Variants in ROBO1 observed in about 807,000 individuals in gnomAD.
ROBO1 encodes roundabout homolog 1.
Under a neutral mutation model 195.9 loss-of-function variants are expected in ROBO1, and 149 were observed. The observed-to-expected ratio is 0.76, with a 90% confidence interval of 0.67 to 0.87. The LOEUF (loss-of-function observed/expected upper bound fraction) is 0.87. Ranked by LOEUF, ROBO1 falls within the 40% of genes least tolerant of loss-of-function variation. ROBO1 has a pLI of 0.00. For synonymous variants in ROBO1, 816 were observed against 733.2 expected, an observed-to-expected ratio of 1.11 and a Z score of -1.82; for missense variants, 1,933 against 2,068.3, an observed-to-expected ratio of 0.93 and a Z score of 1.27.
At chr3:79,338,255 T>A (rs970365554) in intron 2 of ROBO1, among the ~76,000 whole-genome samples, 1 of 152,222 alleles carries the variant, frequency 6.6e-6, no homozygotes, top group East Asian at 1.9e-4. Flanking sequence ...ATGACTATCT[T>A]TAAATATTGC....
rs933111964 is a variant in ROBO1 at position 78,840,556 on chromosome 3, T to C, written c.500-93656A>G. Among the ~76,000 whole-genome samples the C allele has an allele frequency of 2.0e-5, 3 of 152,156 alleles. No individual in the cohort carries two copies. In the South Asian group the frequency reaches 6.2e-4, roughly 31 times the overall value. On this transcript the variant is annotated intron_variant, in intron 4 of 30. Coordinates refer to ENST00000464233, the MANE Select transcript of ROBO1 (RefSeq NM_002941.4). ...GAGAAAGCCAAGGCAAGAGGTCGCA[T>C]TTGCAAGCCATGTACCTAATAATCG...
chr3:78,717,927 G>C, intron 5 of ROBO1, 44 bp from the exon 6 acceptor site: 4 of 1,599,434 alleles, frequency 2.5e-6, no homozygotes, highest in Non-Finnish European at 3.4e-6. Flanking sequence ...AATTGCTTCA[G>C]CTATGTTTAC....
chr3:79,089,916 T>TA (rs1055011616), intron 3 of ROBO1, among the ~76,000 whole-genome samples: 24 of 150,552 alleles, frequency 1.6e-4, no homozygotes, highest in African/African-American at 5.9e-4. Context: ...TAAACATTGA[T>TA]ATATATCATC....
intron 14 of ROBO1, among the ~76,000 whole-genome samples, chr3:78,665,304 G>T (rs79976443): frequency 1.3e-5 from 2 of 152,108 alleles, no homozygotes; most frequent in Admixed American, 6.6e-5. Context: ...AACTGTATCC[G>T]TCAGTCGGTT....
At position 79,454,160 on chromosome 3, in the gene ROBO1, G is replaced by A. The variant is rs114428685; in HGVS notation, c.88+135664C>T. Among the ~76,000 whole-genome samples, 621 of 142,182 alleles carry A rather than the reference G, an allele frequency of 4.4e-3. 4 individuals carry two copies. Among genetic ancestry groups the A allele is most frequent in the Admixed American group, 0.013 (181 of 13,748 alleles). The allele number at this position is 142,182 out of a possible 152,430, so 93.3% of individuals were successfully genotyped here. On this transcript the variant is annotated intron_variant, in intron 2 of 30. Transcript: ENST00000464233. Reference sequence around the variant, plus strand: ...TTTTTTTTTTTCTCCAAAACATTACGCAGAGCTTGCCACAGAGAGTTCACG... The same window carrying A: ...TTTTTTTTTTTCTCCAAAACATTACACAGAGCTTGCCACAGAGAGTTCACG...
chr3:79,032,895 C>T (rs1310955611), intron 3 of ROBO1, among the ~76,000 whole-genome samples: 10 of 151,988 alleles, frequency 6.6e-5, no homozygotes, highest in Non-Finnish European at 1.5e-4. Context: ...GTACACAATG[C>T]TCTATTGCCC....
intron 2 of ROBO1, among the ~76,000 whole-genome samples, chr3:79,274,765 G>A (rs1201060219): frequency 6.6e-6 from 1 of 151,840 alleles, no homozygotes; most frequent in African/African-American, 2.4e-5. Context: ...AAAGGGGTAA[G>A]ACCAAAGTAA....
chr3:78,617,030 G>C (rs1264222493), intron 27 of ROBO1, among the ~76,000 whole-genome samples: 1 of 152,068 alleles, frequency 6.6e-6, no homozygotes, highest in African/African-American at 2.4e-5. Flanking sequence ...TGTAAGTATG[G>C]AACGTTTATG....
chr3:79,756,573 AG>A (rs1352810500), intron 1 of ROBO1, among the ~76,000 whole-genome samples: 44 of 148,446 alleles, frequency 3.0e-4, no homozygotes, highest in African/African-American at 1.1e-3. Flanking sequence ...AAAAAAAAAA[AG>A]TAGAGATATT....
At chr3:79,545,071 T>C (rs927336629) in intron 2 of ROBO1, among the ~76,000 whole-genome samples, 3 of 152,116 alleles carry the variant, frequency 2.0e-5, no homozygotes, top group African/African-American at 4.8e-5. Context: ...ACTTAAATAG[T>C]ATCCCTGTAA....
chr3:79,629,467 C>T (rs144532545), intron 1 of ROBO1, among the ~76,000 whole-genome samples: 235 of 151,792 alleles, frequency 1.5e-3, no homozygotes, highest in African/African-American at 4.9e-3. Flanking sequence ...TATAACATAC[C>T]GAAACCTCGG....
At chr3:79,450,430 A>C (rs1325000358) in intron 2 of ROBO1, among the ~76,000 whole-genome samples, 1 of 152,026 alleles carries the variant, frequency 6.6e-6, no homozygotes, top group Non-Finnish European at 1.5e-5. Flanking sequence ...AGAGGTGAAG[A>C]CAAGTTATCT....
At chr3:78,979,754 A>G (rs1438829605) in intron 3 of ROBO1, among the ~76,000 whole-genome samples, 1 of 152,020 alleles carries the variant, frequency 6.6e-6, no homozygotes, top group Admixed American at 6.6e-5. Flanking sequence ...CATAAGAAAC[A>G]AAAAGGTGGG....
At chr3:78,795,089 C>T (rs1476117500) in intron 4 of ROBO1, among the ~76,000 whole-genome samples, 2 of 151,968 alleles carry the variant, frequency 1.3e-5, no homozygotes, top group Non-Finnish European at 2.9e-5. Context: ...TGATATTTTC[C>T]TTGCAGAAAA....
chr3:79,763,838 G>A (rs1021041857), intron 1 of ROBO1, among the ~76,000 whole-genome samples: 1 of 152,110 alleles, frequency 6.6e-6, no homozygotes, highest in Non-Finnish European at 1.5e-5. Flanking sequence ...ACATGAAAAA[G>A]ATATCAAGGA....
At chr3:78,784,917 T>C (rs1271721663) in intron 4 of ROBO1, among the ~76,000 whole-genome samples, 1 of 152,192 alleles carries the variant, frequency 6.6e-6, no homozygotes, top group African/African-American at 2.4e-5. Flanking sequence ...TACTAACTTC[T>C]CTTCCCATTC....
At chr3:79,159,048 T>C (rs2080908475) in intron 2 of ROBO1, among the ~76,000 whole-genome samples, 1 of 151,912 alleles carries the variant, frequency 6.6e-6, no homozygotes, top group African/African-American at 2.4e-5. Flanking sequence ...ATATCCCCCA[T>C]ATTATTCAAG....
At chr3:79,018,374 G>A in intron 3 of ROBO1, 3 of 1,613,178 alleles carry the variant, frequency 1.9e-6, no homozygotes, top group African/African-American at 1.3e-5. Flanking sequence ...GAACAGGGAG[G>A]ATCAAGGGTG....
At chr3:79,164,546 T>C (rs1457677815) in intron 2 of ROBO1, among the ~76,000 whole-genome samples, 2 of 152,216 alleles carry the variant, frequency 1.3e-5, no homozygotes, top group Non-Finnish European at 2.9e-5. Context: ...GCCTGCTTTA[T>C]TGCAATAGCT....
Sources: gnomAD v4.1 joint callset for allele counts (sites outside exome capture counted in the v4.1 genomes callset) on GRCh38, gnomAD v4.1.1 for gene constraint, MANE v1.5 for transcripts, NCBI Gene and HGNC (gene_info 2026-07-23, HGNC 2026-07-21) for gene names.